Variants in CEP128 observed in about 807,000 individuals in gnomAD.
CEP128 encodes centrosomal protein 128kDa.
A neutral mutation model predicts 156.7 loss-of-function variants in CEP128; 132 were observed. The ratio of observed to expected loss-of-function variants is 0.84; its 90% CI spans 0.73 to 0.97. The LOEUF is 0.97. Ranked by LOEUF, CEP128 falls within the 50% of genes least tolerant of loss-of-function variation. CEP128 has a pLI of 0.00. For synonymous variants in CEP128, 469 were observed against 448.9 expected (o/e 1.04, Z -0.57); for missense variants, 1,252 against 1,281.9 (o/e 0.98, Z 0.36).
rs762242586 is a variant in CEP128 at position 80,916,513 on chromosome 14, CG to C, written c.34del (p.Arg12AlafsTer6). On this transcript the variant is annotated frameshift_variant, in exon 3 of 25. Coordinates refer to ENST00000555265, the MANE Select transcript of CEP128 (RefSeq NM_152446.5). LOFTEE classifies it high-confidence loss of function. ...AESSSESDHF[R>X]CRDRLSPWAA... Reference sequence around the variant, plus strand: ...CCATGGACTCAATCGGTCACGACAGCGGAAGTGATCTGATTCGCTGGATGAT... The same window carrying C: ...CCATGGACTCAATCGGTCACGACAGCGAAGTGATCTGATTCGCTGGATGAT... 9.9e-6 allele frequency: 16 copies of C among 1,613,826 alleles called. No homozygotes were observed. In the South Asian group the frequency reaches 1.8e-4, roughly 18 times the overall value.
At chr14:80,711,060 A>T (rs766434936) in intron 19 of CEP128, among the ~76,000 whole-genome samples, 8 of 152,164 alleles carry the variant, frequency 5.3e-5, no homozygotes, top group Non-Finnish European at 1.2e-4. Context: ...TTTTTGGCTT[A>T]TATGAGAAGC....
At chr14:80,820,677 G>A (rs1885116937) in intron 13 of CEP128, among the ~76,000 whole-genome samples, 2 of 152,192 alleles carry the variant, frequency 1.3e-5, no homozygotes, top group Admixed American at 6.5e-5. Flanking sequence ...TTGCTGCCTA[G>A]AGATAGCTCT....
At chr14:80,709,878 A>G (rs888201862) in intron 19 of CEP128, among the ~76,000 whole-genome samples, 3 of 151,996 alleles carry the variant, frequency 2.0e-5, no homozygotes, top group South Asian at 2.1e-4. Flanking sequence ...ATTATTAACA[A>G]TTTTGATAGT....
At chr14:80,879,266 C>T (rs774359832) in intron 8 of CEP128, among the ~76,000 whole-genome samples, 13 of 152,090 alleles carry the variant, frequency 8.5e-5, no homozygotes, top group Non-Finnish European at 1.6e-4. Context: ...GAAATTAACA[C>T]AGGGACACAC....
chr14:80,873,117 G>C (rs1888109038), intron 8 of CEP128, among the ~76,000 whole-genome samples: 1 of 152,140 alleles, frequency 6.6e-6, no homozygotes, highest in Non-Finnish European at 1.5e-5. Flanking sequence ...CAATTTTCTG[G>C]GTTTAGACAA....
At chr14:80,757,083 C>T (rs977219110) in intron 17 of CEP128, 132 bp from the exon 18 acceptor site, 3 of 602,860 alleles carry the variant, frequency 5.0e-6, no homozygotes, top group Non-Finnish European at 8.8e-6. Flanking sequence ...AATTGTTGCC[C>T]CAAATACTCA....
At chr14:80,626,288 C>A (rs1416931680) in intron 19 of CEP128, among the ~76,000 whole-genome samples, 1 of 151,298 alleles carries the variant, frequency 6.6e-6, no homozygotes, top group African/African-American at 2.4e-5. Context: ...CAAGGTGAAA[C>A]CCCGTCTCTA....
chr14:80,822,855 A>G, intron 13 of CEP128: 1 of 679,808 alleles, frequency 1.5e-6, no homozygotes, highest in South Asian at 1.4e-5. Context: ...TTGAAATACT[A>G]TTTTTTATCA....
chr14:80,688,754 G>A (rs1381850205), intron 19 of CEP128, among the ~76,000 whole-genome samples: 1 of 152,216 alleles, frequency 6.6e-6, no homozygotes, highest in East Asian at 1.9e-4. Context: ...TAAGTGAGAG[G>A]AATCTTTGCT....
At position 80,647,295 on chromosome 14, in the gene CEP128, T is replaced by C. The variant is rs577166524; in HGVS notation, c.2807-66872A>G. Among the ~76,000 whole-genome samples, 6 of 151,868 alleles carry C rather than the reference T, an allele frequency of 4.0e-5. No homozygotes were observed. The South Asian group carries it at 1.2e-3, about 32-fold the overall frequency. On this transcript the variant is annotated intron_variant, in intron 19 of 24. Coordinates refer to ENST00000555265, the MANE Select transcript of CEP128 (RefSeq NM_152446.5). ...CTACCTTTTCACTCCATTTTGCTGT[T>C]TTGTTCACTCAGCTTGTTTTCTCTA...
intron 19 of CEP128, among the ~76,000 whole-genome samples, chr14:80,647,033 GCATGTATATATA>G (rs1566831450): frequency 1.5e-5 from 1 of 68,788 alleles, no homozygotes; most frequent in Non-Finnish European, 3.0e-5. Context: ...ATATATGTGT[GCATGTATATATA>G]TATATATATA....
intron 9 of CEP128, among the ~76,000 whole-genome samples, chr14:80,846,028 A>G (rs1176124201): frequency 6.6e-6 from 1 of 152,196 alleles, no homozygotes; most frequent in Non-Finnish European, 1.5e-5. Flanking sequence ...TCATCGTCAT[A>G]GCATTAACGG....
chr14:80,682,485 G>C (rs1198997564), intron 19 of CEP128, among the ~76,000 whole-genome samples: 1 of 152,192 alleles, frequency 6.6e-6, no homozygotes, highest in African/African-American at 2.4e-5. Context: ...GCATTCCTGA[G>C]AGTGAAGGAG....
intron 20 of CEP128, among the ~76,000 whole-genome samples, chr14:80,570,538 T>C (rs1891096422): frequency 6.6e-6 from 1 of 152,136 alleles, no homozygotes; most frequent in South Asian, 2.1e-4. Flanking sequence ...CATGTTGTGA[T>C]TAAATGTAGG....
At chr14:80,919,710 G>C (rs1349371814) in intron 2 of CEP128, among the ~76,000 whole-genome samples, 1 of 151,884 alleles carries the variant, frequency 6.6e-6, no homozygotes, top group Non-Finnish European at 1.5e-5. Context: ...AAAAAATTAA[G>C]AACAACATAA....
chr14:80,723,483 TAGTA>T (rs1450794305), intron 19 of CEP128, among the ~76,000 whole-genome samples: 3 of 152,204 alleles, frequency 2.0e-5, no homozygotes, highest in African/African-American at 7.2e-5. Context: ...AATAACAGTG[TAGTA>T]CCCTTTTCAA....
intron 19 of CEP128, among the ~76,000 whole-genome samples, chr14:80,681,385 C>T (rs1382719576): frequency 6.6e-6 from 1 of 152,216 alleles, no homozygotes; most frequent in Non-Finnish European, 1.5e-5. Context: ...CACATTAGCT[C>T]TCCAGCAATG....
intron 19 of CEP128, among the ~76,000 whole-genome samples, chr14:80,592,880 T>C (rs1892141553): frequency 6.6e-6 from 1 of 151,928 alleles, no homozygotes; most frequent in African/African-American, 2.4e-5. Context: ...ATTATGTAAA[T>C]AGAACCAACA....
At chr14:80,508,289 T>C (rs1013941450) in intron 23 of CEP128, among the ~76,000 whole-genome samples, 3 of 152,244 alleles carry the variant, frequency 2.0e-5, no homozygotes, top group African/African-American at 7.2e-5. Context: ...CATATTTCAT[T>C]CTAGCAAATT....
Sources: gnomAD v4.1 joint callset for allele counts (sites outside exome capture counted in the v4.1 genomes callset) on GRCh38, gnomAD v4.1.1 for gene constraint, MANE v1.5 for transcripts, NCBI Gene and HGNC (gene_info 2026-07-23, HGNC 2026-07-21) for gene names.